CD33: variants seen among roughly 807,000 people sequenced by gnomAD.
CD33 encodes myeloid cell surface antigen CD33.
A neutral mutation model predicts 31.4 loss-of-function variants in CD33; 25 were observed. That is an observed-to-expected ratio of 0.80 (90% CI 0.58 to 1.11). CD33 has a LOEUF of 1.11. CD33 is among the 50% of genes most tolerant of loss of function. The pLI is 0.00. For missense variants in CD33, 407 were observed against 448.1 expected (o/e 0.91, Z 0.83); for synonymous variants, 176 against 180.6 (o/e 0.97, Z 0.20).
intron 4 of CD33, among the ~76,000 whole-genome samples, chr19:51,228,019 T>C (rs1568433096): frequency 6.6e-6 from 1 of 152,228 alleles, no homozygotes; most frequent in Non-Finnish European, 1.5e-5. Context: ...CAAAATTCAG[T>C]TGGCTGTAGA....
chr19:51,235,913 C>A (rs924256870), intron 6 of CD33: 47 of 701,210 alleles, frequency 6.7e-5, no homozygotes, highest in African/African-American at 6.1e-4. Context: ...AATCCCAGCA[C>A]CTTTGGAGGC....
the CD33 span, among the ~76,000 whole-genome samples, chr19:51,219,810 A>G: frequency 6.6e-6 from 1 of 152,154 alleles, no homozygotes; most frequent in Non-Finnish European, 1.5e-5. Context: ...TAATTCTGTC[A>G]ATGTGATGAA....
the CD33 span, chr19:51,211,663 A>G: frequency 9.0e-7 from 1 of 1,112,460 alleles, no homozygotes; most frequent in Non-Finnish European, 1.3e-6. Flanking sequence ...GATGGGACCC[A>G]TGTCCTGGAA....
chr19:51,211,644 A>G, the CD33 span: 7 of 1,279,306 alleles, frequency 5.5e-6, no homozygotes, highest in Admixed American at 2.3e-5. Flanking sequence ...ACCTCAGGAC[A>G]GGGCTTGGGA....
chr19:51,224,006 C>T (rs1400214010), upstream of CD33, among the ~76,000 whole-genome samples: 1 of 152,058 alleles, frequency 6.6e-6, no homozygotes, highest in Non-Finnish European at 1.5e-5. Context: ...CACAAAGGCT[C>T]ACTGTAAGAA....
chr19:51,232,665 C>T (rs1358676407), intron 4 of CD33, among the ~76,000 whole-genome samples: 1 of 152,108 alleles, frequency 6.6e-6, no homozygotes, highest in African/African-American at 2.4e-5. Flanking sequence ...ATTTTTTCTT[C>T]TTGACCTAGC....
chr19:51,217,465 G>A, the CD33 span, among the ~76,000 whole-genome samples: 2 of 150,980 alleles, frequency 1.3e-5, no homozygotes, highest in Non-Finnish European at 3.0e-5. Context: ...GCTTGAGTGC[G>A]ATGGTGTGAT....
At chr19:51,214,201 C>CTTT in the CD33 span, among the ~76,000 whole-genome samples, 849 of 98,072 alleles carry the variant, frequency 8.7e-3, 18 homozygotes, top group African/African-American at 0.03. Flanking sequence ...TCTTTTCTTT[C>CTTT]TTTTTTTTTT....
the CD33 span, among the ~76,000 whole-genome samples, chr19:51,217,661 C>G: frequency 3.3e-5 from 5 of 152,214 alleles, no homozygotes; most frequent in African/African-American, 1.2e-4. Flanking sequence ...TCAAGTCATC[C>G]ACCAATCTTG....
At chr19:51,224,627 T>C (rs551816616), upstream of CD33, among the ~76,000 whole-genome samples, 258 of 152,290 alleles carry the variant, frequency 1.7e-3, 1 homozygote, top group African/African-American at 5.9e-3. Flanking sequence ...TCACTTTACC[T>C]AGGACTCTTC....
Position 51,225,504 on chromosome 19 carries a change from C to T in CD33, c.324C>T (p.Ala108=). The T allele has an allele frequency of 6.2e-7, 1 of 1,612,776 alleles. No homozygotes were observed. Among genetic ancestry groups the T allele is most frequent in the South Asian group, 1.1e-5 (1 of 90,968 alleles). ...ACTGCTCCCTGAGCATCGTAGACGC[C>T]AGGAGGAGGGATAATGGTTCATACT... ...RNNCSLSIVD[A]RRRDNGSYFF... The change falls in exon 2 of 7, where the codon GCC becomes GCT. Residue 108 remains alanine (A), a synonymous_variant. Coordinates refer to ENST00000262262, the MANE Select transcript of CD33 (RefSeq NM_001772.4).
At chr19:51,219,836 T>A in the CD33 span, among the ~76,000 whole-genome samples, 3 of 152,244 alleles carry the variant, frequency 2.0e-5, no homozygotes, top group Non-Finnish European at 4.4e-5. Flanking sequence ...TTTATTGATT[T>A]GCATGTACGG....
chr19:51,225,394 C>T lies in CD33; in HGVS notation c.214C>T (p.Pro72Ser). Reference protein sequence around the residue: ...REGAIISRDSPVATNKLDQEV... With the variant: ...REGAIISRDSSVATNKLDQEV... ...AGGAGCCATTATATCCAGGGACTCTCCAGTGGCCACAAACAAGCTAGATCA... is the reference window on the plus strand; with the variant it reads ...AGGAGCCATTATATCCAGGGACTCTTCAGTGGCCACAAACAAGCTAGATCA... The change falls in exon 2 of 7, where the codon CCA (proline) becomes TCA (serine). Residue 72 changes from proline to serine, a missense_variant. Physicochemically the swap from Pro to Ser is moderately conservative, Grantham distance 74. Transcript: ENST00000262262. 4 of 1,614,184 alleles carry T rather than the reference C, an allele frequency of 2.5e-6. No homozygotes were observed. Among genetic ancestry groups the T allele is most frequent in the Non-Finnish European group, 3.4e-6 (4 of 1,180,018 alleles).
chr19:51,213,962 C>A, the CD33 span, among the ~76,000 whole-genome samples: 3 of 150,588 alleles, frequency 2.0e-5, no homozygotes, highest in Non-Finnish European at 2.9e-5. Context: ...CAGATTCAAG[C>A]AATTCTCCTG....
the CD33 span, among the ~76,000 whole-genome samples, chr19:51,216,998 G>A: frequency 1.3e-5 from 2 of 152,186 alleles, no homozygotes. Context: ...CCATGTCTAA[G>A]AGCAGAGGGA....
the CD33 span, among the ~76,000 whole-genome samples, chr19:51,214,735 C>T: frequency 6.6e-6 from 1 of 152,150 alleles, no homozygotes; most frequent in Non-Finnish European, 1.5e-5. Flanking sequence ...ATACTAGACC[C>T]TTACCAAATC....
At chr19:51,223,078 G>A (rs897478870), upstream of CD33, among the ~76,000 whole-genome samples, 14 of 151,960 alleles carry the variant, frequency 9.2e-5, no homozygotes, top group South Asian at 4.2e-4. Flanking sequence ...AAGTTACTCC[G>A]GCCTGGTAGT....
At chr19:51,221,939 G>A (rs749960343), upstream of CD33, among the ~76,000 whole-genome samples, 1 of 152,098 alleles carries the variant, frequency 6.6e-6, no homozygotes, top group Non-Finnish European at 1.5e-5. Context: ...CCATTTATAC[G>A]ACATTCTGTG....
the CD33 span, among the ~76,000 whole-genome samples, chr19:51,216,141 G>A: frequency 2.0e-3 from 308 of 151,722 alleles, 2 homozygotes; most frequent in African/African-American, 3.8e-3. Context: ...GTGTAGTTCC[G>A]TTTCCTGAAA....
Sources: gnomAD v4.1 joint callset for allele counts (sites outside exome capture counted in the v4.1 genomes callset) on GRCh38, gnomAD v4.1.1 for gene constraint, MANE v1.5 for transcripts, NCBI Gene and HGNC (gene_info 2026-07-23, HGNC 2026-07-21) for gene names.